The following NBEA variants were observed in gnomAD, a reference collection of about 807,000 sequenced individuals.
NBEA encodes the protein lysosomal-trafficking regulator 2.
NBEA carries 44 observed loss-of-function variants against 343.4 expected under a neutral mutation model. The ratio of observed to expected loss-of-function variants is 0.13; its 90% CI spans 0.10 to 0.16. The LOEUF (loss-of-function observed/expected upper bound fraction) is 0.16, where lower values mean the gene tolerates loss of function less well. NBEA is among the 10% of genes least tolerant of loss of function. The probability of loss-of-function intolerance (pLI) is 1.00; values close to 1 mark genes in which losing one functional copy is unlikely to be tolerated. For synonymous variants in NBEA, 1,175 were observed against 1,238.7 expected (o/e 0.95, Z 1.08); for missense variants, 2,555 against 3,631.3 (o/e 0.70, Z 7.62).
At chr13:35,254,648 A>C (rs570041289) in intron 34 of NBEA, among the ~76,000 whole-genome samples, 1 of 152,216 alleles carries the variant, frequency 6.6e-6, no homozygotes, top group African/African-American at 2.4e-5. Context: ...TAGCAGTATT[A>C]GTATATACAA....
intron 36 of NBEA, among the ~76,000 whole-genome samples, chr13:35,338,100 A>G (rs555344274): frequency 6.6e-6 from 1 of 152,072 alleles, no homozygotes; most frequent in African/African-American, 2.4e-5. Context: ...CAGGCTGAAG[A>G]AGGAAAAAAT....
chr13:35,394,148 C>G (rs2042629927), intron 38 of NBEA, among the ~76,000 whole-genome samples: 1 of 152,116 alleles, frequency 6.6e-6, no homozygotes, highest in African/African-American at 2.4e-5. Flanking sequence ...CTTATCTATA[C>G]TTCTTTTTGC....
chr13:35,514,951 T>C (rs570196591), intron 41 of NBEA, among the ~76,000 whole-genome samples: 1 of 152,292 alleles, frequency 6.6e-6, no homozygotes, highest in East Asian at 1.9e-4. Context: ...CAATGACAGA[T>C]AAGTCCGTGT....
Position 35,667,451 on chromosome 13 carries a change from C to A in NBEA, c.8542C>A (p.Arg2848Ser), listed in dbSNP as rs200699050. Reference sequence around the variant, plus strand: ...AGGACCAGAAAACTGCTTATTCCCACGCTTGATATCTGTCTCCAGCGAAGG... The same window carrying A: ...AGGACCAGAAAACTGCTTATTCCCAAGCTTGATATCTGTCTCCAGCGAAGG... Reference protein sequence around the residue: ...LEGPENCLFPRLISVSSEGHC... With the variant: ...LEGPENCLFPSLISVSSEGHC... The change falls in exon 57 of 59, where the codon CGC becomes AGC. Residue 2848 changes from arginine to serine, a missense_variant. By Grantham distance (110) the Arg-to-Ser change is moderately radical. Transcript: ENST00000379939. 1 of 1,613,942 alleles carries A rather than the reference C, an allele frequency of 6.2e-7. No individual in the cohort carries two copies.
At chr13:35,420,914 T>A (rs1038221725) in intron 38 of NBEA, among the ~76,000 whole-genome samples, 3 of 151,982 alleles carry the variant, frequency 2.0e-5, no homozygotes, top group Non-Finnish European at 4.4e-5. Context: ...TAGAGGTGTG[T>A]CAGTGTTATT....
In NBEA at chr13:35,117,487, A is replaced by G; in HGVS notation, c.2076A>G (p.Ile692Met). Residue 692 changes from isoleucine to methionine, a missense_variant, in exon 14 of 59, where the codon ATA becomes ATG. Ile to Met is a conservative substitution (Grantham distance 10). Transcript: ENST00000379939. ...AFMLLFLKQL[I>M]LKDRGVKEDE... ...TGCTACTTTTTCTGAAACAGCTGATACTAAAGGTAAAATAATTTTATATAA... is the reference window on the plus strand; with the variant it reads ...TGCTACTTTTTCTGAAACAGCTGATGCTAAAGGTAAAATAATTTTATATAA... 1 of 1,302,140 alleles carries G rather than the reference A, an allele frequency of 7.7e-7. No individual in the cohort carries two copies. The highest frequency in any genetic ancestry group is 2.9e-5 in the East Asian group (1 of 33,954). The allele number at this position is 1,302,140 out of a possible 1,614,324, so 80.7% of individuals were successfully genotyped here.
intron 24 of NBEA, among the ~76,000 whole-genome samples, chr13:35,167,886 G>A (rs546121276): frequency 6.6e-6 from 1 of 151,740 alleles, no homozygotes; most frequent in Non-Finnish European, 1.5e-5. Context: ...ACTTTAGTCA[G>A]CCATCCAGAA....
At chr13:35,503,656 G>A (rs2076971752) in intron 41 of NBEA, among the ~76,000 whole-genome samples, 2 of 151,900 alleles carry the variant, frequency 1.3e-5, no homozygotes, top group South Asian at 4.1e-4. Flanking sequence ...AGAATTCATG[G>A]TTTGTTTCAT....
chr13:35,269,046 A>G (rs1044424963), intron 34 of NBEA, among the ~76,000 whole-genome samples: 1 of 152,144 alleles, frequency 6.6e-6, no homozygotes, highest in Non-Finnish European at 1.5e-5. Flanking sequence ...AGGGTTAAAG[A>G]TACCAGATGG....
chr13:35,512,521 C>T (rs1049612103), intron 41 of NBEA, among the ~76,000 whole-genome samples: 1 of 152,210 alleles, frequency 6.6e-6, no homozygotes, highest in Non-Finnish European at 1.5e-5. Flanking sequence ...ATTTGGTCTG[C>T]TAATCTCTGA....
chr13:35,307,736 A>G lies in NBEA; in HGVS notation c.5839-1792A>G, dbSNP rs967027464. 3.3e-5 allele frequency among the ~76,000 whole-genome samples: 5 copies of G among 152,068 alleles called. No individual in the cohort carries two copies. The East Asian group carries it at 9.6e-4, about 29-fold the overall frequency. ...TAAAAATCAATTTTCTCTTTAAGTT[A>G]ATATCCCAATGAATATGAAGTATTT... On this transcript the variant is annotated intron_variant, in intron 35 of 58. Coordinates refer to ENST00000379939, the MANE Select transcript of NBEA (RefSeq NM_001385012.1).
chr13:35,530,225 A>T lies in NBEA; in HGVS notation c.6586-20252A>T, dbSNP rs1414700821. On this transcript the variant is annotated intron_variant, in intron 41 of 58. Transcript: ENST00000379939. ...ACAAAAAGCATTGTTTCCAATCCTAATTTTTTTTCCTCAAGTCCATCCTGT... is the reference window on the plus strand; with the variant it reads ...ACAAAAAGCATTGTTTCCAATCCTATTTTTTTTTCCTCAAGTCCATCCTGT... 3.3e-5 allele frequency among the ~76,000 whole-genome samples: 5 copies of T among 152,156 alleles called. No homozygotes were observed. The South Asian group carries it at 6.2e-4, about 19-fold the overall frequency.
At chr13:35,317,252 C>T (rs983159841) in intron 36 of NBEA, among the ~76,000 whole-genome samples, 3 of 151,990 alleles carry the variant, frequency 2.0e-5, no homozygotes, top group African/African-American at 7.2e-5. Context: ...ACGTTTAAGT[C>T]TTTAATCCAT....
chr13:35,074,053 A>G (rs559195078), intron 10 of NBEA, among the ~76,000 whole-genome samples: 2 of 152,290 alleles, frequency 1.3e-5, no homozygotes, highest in Non-Finnish European at 1.5e-5. Flanking sequence ...AAGGCCACTT[A>G]TAGTTGTTTT....
chr13:35,044,633 T>G (rs1313724834), intron 2 of NBEA, among the ~76,000 whole-genome samples: 1 of 151,546 alleles, frequency 6.6e-6, no homozygotes, highest in African/African-American at 2.4e-5. Flanking sequence ...TGTGTGTGTG[T>G]GTGTGTGTGT....
chr13:35,581,467 T>G (rs1212650257), intron 45 of NBEA, among the ~76,000 whole-genome samples: 1 of 152,032 alleles, frequency 6.6e-6, no homozygotes, highest in African/African-American at 2.4e-5. Flanking sequence ...TTTGATGGTG[T>G]TGTTTGTTTT....
intron 17 of NBEA, among the ~76,000 whole-genome samples, chr13:35,124,646 G>A (rs940885591): frequency 7.2e-6 from 1 of 139,420 alleles, no homozygotes; most frequent in African/African-American, 2.7e-5. Context: ...ACACATATAT[G>A]GATATACACA....
chr13:35,071,569 A>G (rs1398643651), intron 10 of NBEA, among the ~76,000 whole-genome samples: 4 of 151,990 alleles, frequency 2.6e-5, no homozygotes, highest in African/African-American at 7.2e-5. Context: ...ACACATTGCC[A>G]TGCTTGGGGA....
At chr13:35,476,296 CCTGCTGCTGCTGCTGCTG>C (rs56240021) in intron 41 of NBEA, 190,005 of 946,744 alleles carry the variant, frequency 0.2, 24,487 homozygotes, top group Middle Eastern at 0.26. Flanking sequence ...CGTTGGTTTC[CCTGCTGCTGCTGCTGCTG>C]CTGCTGCTGC....
Sources: allele counts gnomAD v4.1 joint callset (sites outside exome capture counted in the v4.1 genomes callset), GRCh38; gene constraint gnomAD v4.1.1; transcripts MANE v1.5; gene names NCBI Gene and HGNC (gene_info 2026-07-23, HGNC 2026-07-21).